CREBBP: variants seen among roughly 807,000 people sequenced by gnomAD.
The protein encoded by CREBBP is CREB binding lysine acetyltransferase, also known as CREB-binding protein.
A neutral mutation model predicts 265.0 loss-of-function variants in CREBBP; 19 were observed. The ratio of observed to expected loss-of-function variants is 0.07; its 90% CI spans 0.05 to 0.11. CREBBP has a LOEUF of 0.11. Among genes scored for constraint, CREBBP ranks in the 10% least tolerant of loss-of-function variants. CREBBP has a pLI of 1.00. For synonymous variants in CREBBP, 1,457 were observed against 1,223.7 expected (o/e 1.19, Z -3.98); for missense variants, 2,525 against 3,219.0 (o/e 0.78, Z 5.22).
At chr16:3,835,708 T>C (rs2054433818) in intron 2 of CREBBP, among the ~76,000 whole-genome samples, 2 of 150,766 alleles carry the variant, frequency 1.3e-5, no homozygotes, top group South Asian at 4.2e-4. Context: ...GCCTCCCGAG[T>C]AGCTGGGACT....
intron 2 of CREBBP, among the ~76,000 whole-genome samples, chr16:3,838,624 G>C (rs1315295336): frequency 6.6e-6 from 1 of 152,188 alleles, no homozygotes; most frequent in African/African-American, 2.4e-5. Flanking sequence ...TCAGGAGTAT[G>C]TTTTCTTTAG....
intron 2 of CREBBP, among the ~76,000 whole-genome samples, chr16:3,830,561 A>G (rs1310979284): frequency 6.6e-6 from 1 of 152,226 alleles, no homozygotes; most frequent in Non-Finnish European, 1.5e-5. Flanking sequence ...TACAATCCAA[A>G]ATACATATTA....
intron 30 of CREBBP, 99 bp from the exon 31 acceptor site, chr16:3,729,973 C>CAGGAGACCCAGGCAGGAT (rs371824314): frequency 3.2e-6 from 5 of 1,540,944 alleles, no homozygotes; most frequent in East Asian, 2.4e-5. Flanking sequence ...GGGTCTGTGC[C>CAGGAGACCCAGGCAGGAT]AGGAGACCCA....
intron 1 of CREBBP, among the ~76,000 whole-genome samples, chr16:3,860,322 C>T (rs2055047899): frequency 6.6e-6 from 1 of 152,198 alleles, no homozygotes; most frequent in South Asian, 2.1e-4. Context: ...TATTTACCTA[C>T]CCTCGAAAAA....
Position 3,850,702 on chromosome 16 carries a change from G to A in CREBBP, c.393C>T (p.Pro131=). The A allele has an allele frequency of 6.2e-7, 1 of 1,614,058 alleles. No homozygotes were observed. Among genetic ancestry groups the A allele is most frequent in the Non-Finnish European group, 8.5e-7 (1 of 1,180,044 alleles). ...TGCTGGCTGCCTGTTTAGGCAGGCT[G>A]GGGGCTGAAGAATCTCCCTGGCTCA... ...SPLSQGDSSA[P]SLPKQAASTS... is the part of the protein sequence containing the mutation. Residue 131 remains proline (P), a synonymous_variant, in exon 2 of 31, where the codon CCC becomes CCT. Transcript: ENST00000262367.
At chr16:3,820,242 G>A (rs1300138375) in intron 2 of CREBBP, among the ~76,000 whole-genome samples, 1 of 152,236 alleles carries the variant, frequency 6.6e-6, no homozygotes, top group Admixed American at 6.5e-5. Context: ...GGAAAGACAT[G>A]ACTGCATTCA....
In CREBBP at chr16:3,774,572, T is replaced by C; in HGVS notation, c.2280A>G (p.Pro760=). ...SVQMNSMGSV[P]GMAISPSRMP... The stretch of plus-strand genomic sequence containing the variant: ...CACAGCGAAAGAGAACACTTACCCC[T>C]GGCACTGAGCCCATGCTGTTCATCT... Residue 760 remains proline (P), a synonymous_variant, in exon 12 of 31, where the codon CCA becomes CCG. Coordinates refer to ENST00000262367, the MANE Select transcript of CREBBP (RefSeq NM_004380.3). The C allele has an allele frequency of 6.2e-7, 1 of 1,614,196 alleles. No individual in the cohort carries two copies. Among genetic ancestry groups the C allele is most frequent in the Non-Finnish European group, 8.5e-7 (1 of 1,180,038 alleles).
rs1431165369 is a variant in CREBBP, at chr16:3,880,051, G to A, written c.-135C>T. On this transcript the variant is annotated 5_prime_UTR_variant, in exon 1 of 31. Transcript: ENST00000262367. ...GCGAGCGGGCGGGCGGGCGCCGAGG[G>A]AGAGGGAGGGCGCAGGCCGGGTGGG... is the stretch of plus-strand genomic sequence containing the variant. The A allele has an allele frequency of 3.5e-6, 2 of 575,278 alleles. No individual in the cohort carries two copies. Among genetic ancestry groups the A allele is most frequent in the African/African-American group, 2.0e-5 (1 of 49,780 alleles). 35.6% of individuals were successfully genotyped at this position (575,278 alleles called of 1,614,324 possible). A position where few individuals can be genotyped will look rare whatever the true frequency, so the allele number is the denominator to read the frequency against.
At chr16:3,797,991 AGAAAATGCAGACAC>A (rs2053640820) in intron 3 of CREBBP, among the ~76,000 whole-genome samples, 1 of 152,240 alleles carries the variant, frequency 6.6e-6, no homozygotes, top group Admixed American at 6.5e-5. Flanking sequence ...AATTGGGCAA[AGAAAATGCAGACAC>A]CTCACAAAAC....
At chr16:3,785,894 C>T (rs776160235) in intron 5 of CREBBP, among the ~76,000 whole-genome samples, 5 of 152,178 alleles carry the variant, frequency 3.3e-5, no homozygotes, top group Admixed American at 6.5e-5. Context: ...ACTCCTGTCC[C>T]GGATATTTAC....
chr16:3,871,341 C>T (rs2141586126), intron 1 of CREBBP, among the ~76,000 whole-genome samples: 1 of 152,326 alleles, frequency 6.6e-6, no homozygotes, highest in East Asian at 1.9e-4. Flanking sequence ...GGGCTCCCTC[C>T]TCAGCACCAC....
At position 3,851,181 on chromosome 16, in the gene CREBBP, G is replaced by A. The variant is rs552872079; in HGVS notation, c.86-172C>T. Among the ~76,000 whole-genome samples the A allele has an allele frequency of 2.4e-4, 36 of 151,428 alleles. No individual in the cohort carries two copies. The South Asian group carries it at 5.4e-3, about 23-fold the overall frequency. The stretch of plus-strand genomic sequence containing the variant: ...CGCATGCCTGTAATCCCAGCTACTC[G>A]GGAGGCTAAGGCAGGAGAATAGCTT... On this transcript the variant is annotated intron_variant, in intron 1 of 30. Transcript: ENST00000262367.
At chr16:3,847,402 T>C (rs1228124874) in intron 2 of CREBBP, among the ~76,000 whole-genome samples, 2 of 152,184 alleles carry the variant, frequency 1.3e-5, no homozygotes, top group African/African-American at 4.8e-5. Context: ...CGTAAGGTTC[T>C]AGAGAGGGAA....
At chr16:3,865,782 G>T (rs1208277407) in intron 1 of CREBBP, among the ~76,000 whole-genome samples, 1 of 152,036 alleles carries the variant, frequency 6.6e-6, no homozygotes, top group Admixed American at 6.6e-5. Flanking sequence ...GGGACTACAG[G>T]TGCACGCCAT....
In CREBBP at chr16:3,757,170, G is replaced by A. The variant is rs140586932; in HGVS notation, c.3698+118C>T. ...ATTACAGGCGTGAGCCACCACACCCGGCCTGAAATTGGGCCACTTTTTATT... is the reference window on the plus strand; with the variant it reads ...ATTACAGGCGTGAGCCACCACACCCAGCCTGAAATTGGGCCACTTTTTATT... On this transcript the variant is annotated intron_variant, in intron 19 of 30. Transcript: ENST00000262367. 7,393 of 848,320 alleles carry A rather than the reference G, an allele frequency of 8.7e-3. 108 individuals carry two copies. Among genetic ancestry groups the A allele is most frequent in the Middle Eastern group, 0.039 (161 of 4,142 alleles). The allele number at this position is 848,320 out of a possible 1,614,324, so 52.5% of individuals were successfully genotyped here. A position where few individuals can be genotyped will look rare whatever the true frequency, so the allele number is the denominator to read the frequency against.
intron 20 of CREBBP, among the ~76,000 whole-genome samples, chr16:3,750,151 C>T (rs558660598): frequency 6.6e-6 from 1 of 152,280 alleles, no homozygotes; most frequent in African/African-American, 2.4e-5. Flanking sequence ...CAGGTACAAA[C>T]CACCACGCCC....
intron 8 of CREBBP, 33 bp downstream of exon 8, chr16:3,780,699 A>T: frequency 1.2e-6 from 2 of 1,612,178 alleles, no homozygotes; most frequent in Non-Finnish European, 1.7e-6. Context: ...GAATAAAATC[A>T]AACATCTATG....
chr16:3,808,172 GGAGA>G lies in CREBBP; in HGVS notation c.975+2427_975+2430del, dbSNP rs1056539773. Among the ~76,000 whole-genome samples the G allele has an allele frequency of 8.1e-5, 12 of 148,282 alleles. 1 individual carries two copies. The highest frequency in any genetic ancestry group is 3.0e-4 in the African/African-American group (12 of 40,416). On this transcript the variant is annotated intron_variant, in intron 3 of 30. Coordinates refer to ENST00000262367, the MANE Select transcript of CREBBP (RefSeq NM_004380.3). ...GATGAAAGAAGGGGGGGGCAGCGGGGGAGAGAGAGAGGCAGAGAGGAAAAGAAGT... is the reference window on the plus strand; with the variant it reads ...GATGAAAGAAGGGGGGGGCAGCGGGGGAGAGAGGCAGAGAGGAAAAGAAGT...
intron 2 of CREBBP, among the ~76,000 whole-genome samples, chr16:3,819,378 C>G (rs780227488): frequency 6.6e-6 from 1 of 152,190 alleles, no homozygotes; most frequent in Non-Finnish European, 1.5e-5. Context: ...TGAGCAGCTG[C>G]GACAGTGAGT....
Sources: allele counts gnomAD v4.1 joint callset (sites outside exome capture counted in the v4.1 genomes callset), GRCh38; gene constraint gnomAD v4.1.1; transcripts MANE v1.5; gene names NCBI Gene and HGNC (gene_info 2026-07-23, HGNC 2026-07-21).